The following CACNA2D2 variants were observed in gnomAD, a reference collection of about 807,000 sequenced individuals.
CACNA2D2 encodes the protein voltage-dependent calcium channel subunit alpha-2/delta-2.
Under a neutral mutation model 166.4 loss-of-function variants are expected in CACNA2D2, and 48 were observed. The observed-to-expected ratio is 0.29, with a 90% confidence interval of 0.23 to 0.37. CACNA2D2 has a LOEUF of 0.37. Ranked by LOEUF, CACNA2D2 falls within the 10% of genes least tolerant of loss-of-function variation. The pLI, the probability that CACNA2D2 is intolerant of heterozygous loss-of-function variation, is 1.00. For synonymous variants in CACNA2D2, 561 were observed against 573.7 expected, an observed-to-expected ratio of 0.98 and a Z score of 0.32; for missense variants, 1,122 against 1,433.0, an observed-to-expected ratio of 0.78 and a Z score of 3.50.
chr3:50,435,394 C>T (rs1451537665), intron 2 of CACNA2D2, among the ~76,000 whole-genome samples: 2 of 151,768 alleles, frequency 1.3e-5, no homozygotes, highest in African/African-American at 2.4e-5. Context: ...ATTCAGGTGA[C>T]CCAAGGAGGT....
chr3:50,493,904 G>C (rs1215509947), intron 1 of CACNA2D2, among the ~76,000 whole-genome samples: 1 of 152,220 alleles, frequency 6.6e-6, no homozygotes, highest in Non-Finnish European at 1.5e-5. Context: ...GTGAGCGAAA[G>C]CCAGAGGTGC....
At chr3:50,411,536 C>G (rs1338888178) in intron 3 of CACNA2D2, among the ~76,000 whole-genome samples, 2 of 152,200 alleles carry the variant, frequency 1.3e-5, no homozygotes, top group Non-Finnish European at 2.9e-5. Flanking sequence ...GACTGTCCAC[C>G]AGATGCTTTT....
chr3:50,490,392 C>G (rs753860492), intron 1 of CACNA2D2, among the ~76,000 whole-genome samples: 8 of 152,162 alleles, frequency 5.3e-5, no homozygotes, highest in Non-Finnish European at 8.8e-5. Flanking sequence ...CTTGGCTCAA[C>G]TTAGGGGGAA....
chr3:50,485,005 T>C (rs1177240824), intron 1 of CACNA2D2, among the ~76,000 whole-genome samples: 2 of 152,214 alleles, frequency 1.3e-5, no homozygotes, highest in Non-Finnish European at 2.9e-5. Context: ...TCTTTCCATA[T>C]GAATTATTAA....
At chr3:50,480,304 G>A (rs1422351648) in intron 1 of CACNA2D2, among the ~76,000 whole-genome samples, 1 of 152,166 alleles carries the variant, frequency 6.6e-6, no homozygotes, top group South Asian at 2.1e-4. Flanking sequence ...CTTTTCCATC[G>A]GTAAACAGGG....
At position 50,366,372 on chromosome 3, in the gene CACNA2D2, G is replaced by A. The variant is rs770465763; in HGVS notation, c.2638-34C>T. 6 of 1,608,020 alleles carry A rather than the reference G, an allele frequency of 3.7e-6. No homozygotes were observed. The highest frequency in any genetic ancestry group is 1.3e-5 in the African/African-American group (1 of 74,800). On this transcript the variant is annotated intron_variant, in intron 30 of 37. Transcript: ENST00000424201. The surrounding 1 kb of genome is among the most constrained non-coding windows in gnomAD (Gnocchi z 5.9). ...AAGGGAATGGGGAGGAAAATGGAGA[G>A]GGGCTGGGCCCCGGACCTTCCACCG...
chr3:50,400,307 T>C (rs1706384140), intron 3 of CACNA2D2, among the ~76,000 whole-genome samples: 3 of 152,224 alleles, frequency 2.0e-5, no homozygotes, highest in South Asian at 4.1e-4. Context: ...GCTTCGGCCT[T>C]GAGCAGACAT....
At chr3:50,451,666 A>C (rs1295767043) in intron 2 of CACNA2D2, among the ~76,000 whole-genome samples, 1 of 151,998 alleles carries the variant, frequency 6.6e-6, no homozygotes, top group Admixed American at 6.6e-5. Context: ...CATGTCTCCC[A>C]TTTCCTCAAA....
chr3:50,368,751 G>A (rs1172972428), intron 23 of CACNA2D2, among the ~76,000 whole-genome samples: 3 of 152,184 alleles, frequency 2.0e-5, no homozygotes, highest in Non-Finnish European at 4.4e-5. Flanking sequence ...GAAAGTCAGT[G>A]GGAACATGTG....
Position 50,380,644 on chromosome 3 carries a change from G to A in CACNA2D2, c.842+104C>T. 1.1e-6 allele frequency: 1 copy of A among 924,172 alleles called. No individual in the cohort carries two copies. The allele number at this position is 924,172 out of a possible 1,614,324, so 57.2% of individuals were successfully genotyped here. A position where few individuals can be genotyped will look rare whatever the true frequency, so the allele number is the denominator to read the frequency against. On this transcript the variant is annotated intron_variant, in intron 8 of 37. Coordinates refer to ENST00000424201, the MANE Select transcript of CACNA2D2 (RefSeq NM_006030.4). The surrounding 1 kb of genome is among the most constrained non-coding windows in gnomAD (Gnocchi z 4.9). Reference sequence around the variant, plus strand: ...GTGAAATGAAAATTGGATACAGCTGGCTGCGCCCTGCTAGGAGGCTTGGAA... The same window carrying A: ...GTGAAATGAAAATTGGATACAGCTGACTGCGCCCTGCTAGGAGGCTTGGAA...
intron 2 of CACNA2D2, among the ~76,000 whole-genome samples, chr3:50,466,285 TG>T: frequency 6.6e-6 from 1 of 152,208 alleles, no homozygotes; most frequent in African/African-American, 2.4e-5. Flanking sequence ...TGTGTGTGTG[TG>T]TGTGTGTGTG....
At chr3:50,418,542 G>T (rs1337076723) in intron 3 of CACNA2D2, among the ~76,000 whole-genome samples, 1 of 152,240 alleles carries the variant, frequency 6.6e-6, no homozygotes. Context: ...GCACTCCCAG[G>T]GCCGGTCAGG....
chr3:50,364,863 C>A, intron 37 of CACNA2D2, 25 bp downstream of exon 37: 1 of 1,613,286 alleles, frequency 6.2e-7, no homozygotes, highest in Non-Finnish European at 8.5e-7. Flanking sequence ...CGCGGGATTT[C>A]GGGTCCACCG....
chr3:50,390,430 C>A (rs919811656), intron 4 of CACNA2D2, among the ~76,000 whole-genome samples: 1 of 152,150 alleles, frequency 6.6e-6, no homozygotes, highest in Admixed American at 6.5e-5. Context: ...TGGGCCTCCC[C>A]AGGGGTAGGG....
intron 4 of CACNA2D2, among the ~76,000 whole-genome samples, chr3:50,388,891 T>C (rs1705742591): frequency 6.6e-6 from 1 of 152,230 alleles, no homozygotes; most frequent in South Asian, 2.1e-4. Flanking sequence ...ACTGACTGCA[T>C]GCCTGGCACC....
In CACNA2D2 at chr3:50,368,388, C is replaced by T. The variant is rs587747808; in HGVS notation, c.2046-153G>A. Among the ~76,000 whole-genome samples, 3 of 152,148 alleles carry T rather than the reference C, an allele frequency of 2.0e-5. No homozygotes were observed. The East Asian group carries it at 5.8e-4, about 29-fold the overall frequency. On this transcript the variant is annotated intron_variant, in intron 23 of 37. Coordinates refer to ENST00000424201, the MANE Select transcript of CACNA2D2 (RefSeq NM_006030.4). ...TCTTCCTGGCTGCAGCTGCTACATG[C>T]CTGGCAGGCTGCTCGGGTCTGAGTC... is the stretch of plus-strand genomic sequence containing the variant.
At chr3:50,502,364 C>T (rs1425516535) in intron 1 of CACNA2D2, among the ~76,000 whole-genome samples, 1 of 152,182 alleles carries the variant, frequency 6.6e-6, no homozygotes, top group Admixed American at 6.5e-5. Flanking sequence ...GAAACTGATA[C>T]GTCCTAAAGG....
At chr3:50,382,186 T>C (rs1559894356) in intron 6 of CACNA2D2, among the ~76,000 whole-genome samples, 1 of 152,050 alleles carries the variant, frequency 6.6e-6, no homozygotes, top group South Asian at 2.1e-4. Context: ...CCCTGGACAC[T>C]AGGACAAAAC....
intron 3 of CACNA2D2, among the ~76,000 whole-genome samples, chr3:50,429,592 CAAAAA>C (rs1160685582): frequency 3.8e-5 from 2 of 52,646 alleles, no homozygotes; most frequent in Admixed American, 2.6e-4. Context: ...ACTAAAAATA[CAAAAA>C]AAAAAAAAAA....
Sources: allele counts gnomAD v4.1 joint callset (sites outside exome capture counted in the v4.1 genomes callset), GRCh38; gene constraint gnomAD v4.1.1; non-coding constraint Gnocchi (gnomAD v3.1); transcripts MANE v1.5; gene names NCBI Gene and HGNC (gene_info 2026-07-23, HGNC 2026-07-21).